The following MBD4 variants were observed in gnomAD, a reference collection of about 807,000 sequenced individuals.
The protein encoded by MBD4 is methyl-CpG-binding domain protein 4.
In MBD4, 53 loss-of-function variants were observed where a neutral mutation model predicts 60.2. That is an observed-to-expected ratio of 0.88 (90% CI 0.71 to 1.11). The LOEUF is 1.11. Ranked by LOEUF, MBD4 falls within the 50% of genes least tolerant of loss-of-function variation. The probability of loss-of-function intolerance (pLI) is 0.00; values close to 1 mark genes in which losing one functional copy is unlikely to be tolerated. For missense variants in MBD4, 619 were observed against 674.0 expected (o/e 0.92, Z 0.90); for synonymous variants, 231 against 229.8 (o/e 1.01, Z -0.05).
At chr3:129,432,418 C>A in intron 7 of MBD4, 85 bp downstream of exon 7, 2 of 1,611,306 alleles carry the variant, frequency 1.2e-6, no homozygotes, top group Middle Eastern at 1.7e-4. Context: ...GCATTTGTAT[C>A]CAATAAATAG....
At chr3:129,433,534 G>A in intron 5 of MBD4, 1 of 583,230 alleles carries the variant, frequency 1.7e-6, no homozygotes, top group Non-Finnish European at 3.0e-6. Context: ...GAAGCATATA[G>A]AACACAAGGT....
chr3:129,432,675 G>A (rs766250495), intron 6 of MBD4, 69 bp from the exon 7 acceptor site: 3 of 1,410,140 alleles, frequency 2.1e-6, no homozygotes, highest in South Asian at 1.2e-5. Context: ...GTGTGGTGAT[G>A]GGGCAGGATG....
At position 129,431,118 on chromosome 3, in the gene MBD4, T is replaced by C. The variant is rs2307285; in HGVS notation, c.*383A>G. 0.32 allele frequency: 74,104 copies of C among 232,068 alleles called. 14,714 individuals are homozygous for C. The highest frequency in any genetic ancestry group is 0.43 in the Non-Finnish European group (49,561 of 116,450). The allele number at this position is 232,068 out of a possible 1,614,324, so 14.4% of individuals were successfully genotyped here. ...ATCCTCCTGCCTCAGCCTTCCGAGATTACAGGCATGCACCACCACGCCTAG... is the reference window on the plus strand; with the variant it reads ...ATCCTCCTGCCTCAGCCTTCCGAGACTACAGGCATGCACCACCACGCCTAG... On this transcript the variant is annotated 3_prime_UTR_variant, in exon 8 of 8. Transcript: ENST00000429544.
rs2072394596 is a variant in MBD4, at chr3:129,433,388, AT to A, written c.1394-142del. 3.4e-6 allele frequency: 3 copies of A among 889,008 alleles called. No individual in the cohort carries two copies. In the South Asian group the frequency reaches 4.7e-5, roughly 14 times the overall value. 55.1% of individuals were successfully genotyped at this position (889,008 alleles called of 1,614,324 possible). The stretch of plus-strand genomic sequence containing the variant: ...AACAAAAAAACACTGGTGAGAAGCC[AT>A]TATCTGAACCAGCAACCACTTTCAG... On this transcript the variant is annotated intron_variant, in intron 5 of 7. Coordinates refer to ENST00000429544, the MANE Select transcript of MBD4 (RefSeq NM_001276270.2).
At position 129,431,569 on chromosome 3, in the gene MBD4, C is replaced by CTA; in HGVS notation, c.1656_1657insTA (p.Glu553Ter). ...TGATATTTATTTAATTTGTGGTCTTCAGGGTGCACCTGGAAGAAACATAAG... is the reference window on the plus strand; with the variant it reads ...TGATATTTATTTAATTTGTGGTCTTCTAAGGGTGCACCTGGAAGAAACATAAG... On this transcript the variant is annotated frameshift_variant, in exon 8 of 8. Coordinates refer to ENST00000429544, the MANE Select transcript of MBD4 (RefSeq NM_001276270.2). LOFTEE classifies it high-confidence loss of function. The CTA allele has an allele frequency of 1.9e-6, 3 of 1,610,974 alleles. No homozygotes were observed. The highest frequency in any genetic ancestry group is 2.5e-6 in the Non-Finnish European group (3 of 1,178,458).
chr3:129,436,890 T>C lies in MBD4; in HGVS notation c.754A>G (p.Lys252Glu), dbSNP rs1033189367. The C allele has an allele frequency of 5.0e-6, 8 of 1,614,192 alleles. No individual in the cohort carries two copies. The Middle Eastern group carries it at 9.9e-4, about 200-fold the overall frequency. The change falls in exon 3 of 8, where the codon AAG becomes GAG. Residue 252 changes from lysine (K) to glutamate (E), a missense_variant. Coordinates refer to ENST00000429544, the MANE Select transcript of MBD4 (RefSeq NM_001276270.2). ...CTTTGAACAAAACCTGAACAGCTCT[T>C]CCTACATCCTTTTTTAGTTTTCTTA... The part of the protein sequence containing the change: ...PIKKTKKGCR[K>E]SCSGFVQSDS...
At chr3:129,433,023 ATTAAAGT>A (rs1465479188) in intron 6 of MBD4, 68 bp downstream of exon 6, 1 of 1,571,424 alleles carries the variant, frequency 6.4e-7, no homozygotes, top group East Asian at 2.2e-5. Flanking sequence ...ATCTGAGAAC[ATTAAAGT>A]TTAAGGTGTG....
intron 7 of MBD4, chr3:129,432,221 G>C: frequency 1.4e-6 from 2 of 1,426,240 alleles, no homozygotes; most frequent in African/African-American, 1.4e-5. Context: ...GTCAGGCTTA[G>C]AGATAGCACA....
intron 1 of MBD4, among the ~76,000 whole-genome samples, chr3:129,439,440 C>G (rs1469711112): frequency 6.6e-6 from 1 of 152,192 alleles, no homozygotes; most frequent in South Asian, 2.1e-4. Context: ...CTATCACACA[C>G]GTAGTCTAAT....
At chr3:129,434,378 T>C (rs2107752055) in intron 3 of MBD4, among the ~76,000 whole-genome samples, 1 of 152,218 alleles carries the variant, frequency 6.6e-6, no homozygotes, top group East Asian at 1.9e-4. Context: ...ATCACACAGA[T>C]ACTAAGTGTC....
Position 129,433,853 on chromosome 3 carries a change from A to C in MBD4, c.1390T>G (p.Ser464Ala). ...LIATIFLNRT[S>A]GKMAIPVLWK... ...AAGATGATAATAATCCCCAAACCTG[A>C]GGTCCGATTGAGAAATATAGTAGCG... The change falls in exon 5 of 8, where the codon TCA (serine) becomes GCA (alanine). Residue 464 changes from serine to alanine, a missense_variant. Coordinates refer to ENST00000429544, the MANE Select transcript of MBD4 (RefSeq NM_001276270.2). 1.2e-6 allele frequency: 2 copies of C among 1,614,136 alleles called. No homozygotes were observed. The highest frequency in any genetic ancestry group is 1.7e-6 in the Non-Finnish European group (2 of 1,179,998).
Position 129,437,178 on chromosome 3 carries a change from T to C in MBD4, c.466A>G (p.Lys156Glu). Residue 156 changes from lysine to glutamate, a missense_variant, in exon 3 of 8, where the codon AAA (lysine) becomes GAA (glutamate). Lys to Glu is a moderately conservative substitution (Grantham distance 56, BLOSUM62 1). Transcript: ENST00000429544. ...GTCAGGGCTGCCATGCTGCAGTCTTTATATCTTGACTTGATACCCCTTTTA... is the reference window on the plus strand; with the variant it reads ...GTCAGGGCTGCCATGCTGCAGTCTTCATATCTTGACTTGATACCCCTTTTA... ...LSKRGIKSRY[K>E]DCSMAALTSH... The C allele has an allele frequency of 6.2e-7, 1 of 1,614,104 alleles. No individual in the cohort carries two copies. The highest frequency in any genetic ancestry group is 1.7e-5 in the Admixed American group (1 of 60,014).
chr3:129,432,227 G>A, intron 7 of MBD4: 1 of 1,429,546 alleles, frequency 7.0e-7, no homozygotes, highest in East Asian at 2.5e-5. Flanking sequence ...CTTAGAGATA[G>A]CACACAAATA....
chr3:129,431,063 T>G lies in MBD4; in HGVS notation c.*438A>C, dbSNP rs953677400. 5.4e-6 allele frequency: 1 copy of G among 184,008 alleles called. No individual in the cohort carries two copies. Among genetic ancestry groups the G allele is most frequent in the Non-Finnish European group, 1.1e-5 (1 of 87,130 alleles). The allele number at this position is 184,008 out of a possible 1,614,324, so 11.4% of individuals were successfully genotyped here. A position where few individuals can be genotyped will look rare whatever the true frequency, so the allele number is the denominator to read the frequency against. Reference sequence around the variant, plus strand: ...GCATGATCATGGCTCACTGAAGCCTTGACCTCCTGGGCCCTCATGAGCTCA... The same window carrying G: ...GCATGATCATGGCTCACTGAAGCCTGGACCTCCTGGGCCCTCATGAGCTCA... On this transcript the variant is annotated 3_prime_UTR_variant, in exon 8 of 8. Transcript: ENST00000429544.
chr3:129,431,677 T>C (rs1247637944), intron 7 of MBD4, 99 bp from the exon 8 acceptor site: 2 of 807,800 alleles, frequency 2.5e-6, no homozygotes, highest in African/African-American at 1.7e-5. Flanking sequence ...TGGGGGACAG[T>C]ACATTACGAT....
chr3:129,431,636 AT>A, intron 7 of MBD4, 58 bp from the exon 8 acceptor site: 3 of 1,272,134 alleles, frequency 2.4e-6, no homozygotes, highest in Non-Finnish European at 2.3e-6. Context: ...TCAGAAATAC[AT>A]TTTTTAAAAT....
In MBD4 at chr3:129,439,849, T is replaced by G; in HGVS notation, c.-16A>C. On this transcript the variant is annotated 5_prime_UTR_variant, in exon 1 of 8. Transcript: ENST00000429544. ...TCGTGCCCATCGAGCAGGGTCCGGC[T>G]GCAGCAACGAGCCCAGCGCCGCAAC... 6.3e-7 allele frequency: 1 copy of G among 1,581,560 alleles called. No homozygotes were observed. Among genetic ancestry groups the G allele is most frequent in the Non-Finnish European group, 8.7e-7 (1 of 1,152,314 alleles).
intron 3 of MBD4, among the ~76,000 whole-genome samples, 191 bp from the exon 4 acceptor site, chr3:129,434,327 A>G (rs1466428412): frequency 6.6e-6 from 1 of 152,252 alleles, no homozygotes; most frequent in Non-Finnish European, 1.5e-5. Context: ...CTTTACAGAT[A>G]AGGACATTGA....
In MBD4 at chr3:129,436,715, A is replaced by C; in HGVS notation, c.929T>G (p.Val310Gly). 1 of 1,612,864 alleles carries C rather than the reference A, an allele frequency of 6.2e-7. No homozygotes were observed. Among genetic ancestry groups the C allele is most frequent in the Non-Finnish European group, 8.5e-7 (1 of 1,179,540 alleles). The change falls in exon 3 of 8, where the codon GTA becomes GGA. Residue 310 changes from valine (V) to glycine (G), a missense_variant. Transcript: ENST00000429544. Reference sequence around the variant, plus strand: ...ACTCAATGATCTTTCTTTTTTTTTTACAAGGCTGTTTTCTTCACTGGTCAC... The same window carrying C: ...ACTCAATGATCTTTCTTTTTTTTTTCCAAGGCTGTTTTCTTCACTGGTCAC... Reference protein sequence around the residue: ...LSVTSEENSLVKKKERSLSSG... With the variant: ...LSVTSEENSLGKKKERSLSSG...
Sources: gnomAD v4.1 joint callset for allele counts (sites outside exome capture counted in the v4.1 genomes callset) on GRCh38, gnomAD v4.1.1 for gene constraint, MANE v1.5 for transcripts, NCBI Gene and HGNC (gene_info 2026-07-23, HGNC 2026-07-21) for gene names.